The following PCDHA2 variants were observed in gnomAD, a reference collection of about 807,000 sequenced individuals.
PCDHA2 encodes the protein protocadherin alpha 2.
In PCDHA2, 58 loss-of-function variants were observed where a neutral mutation model predicts 66.0. The ratio of observed to expected loss-of-function variants is 0.88; its 90% CI spans 0.71 to 1.09. The LOEUF is 1.09. PCDHA2 is among the 50% of genes least tolerant of loss of function. The pLI is 0.00. For missense variants in PCDHA2, 1,267 were observed against 1,242.3 expected, an observed-to-expected ratio of 1.02 and a Z score of -0.30; for synonymous variants, 634 against 554.0, an observed-to-expected ratio of 1.14 and a Z score of -2.03.
chr5:140,934,490 C>T (rs189772593), intron 1 of PCDHA2, among the ~76,000 whole-genome samples: 35 of 152,244 alleles, frequency 2.3e-4, no homozygotes, highest in Admixed American at 1.4e-3. Context: ...ATATTCACCT[C>T]ATAAACACCC....
chr5:140,954,737 T>C (rs1208625491), intron 1 of PCDHA2, among the ~76,000 whole-genome samples: 38 of 152,210 alleles, frequency 2.5e-4, no homozygotes, highest in Non-Finnish European at 1.5e-5. Flanking sequence ...TTCACTCTGA[T>C]GATAGTTTCT....
At chr5:140,901,654 T>C (rs1274474554) in intron 1 of PCDHA2, among the ~76,000 whole-genome samples, 6 of 152,194 alleles carry the variant, frequency 3.9e-5, no homozygotes. Flanking sequence ...GTTTTGTTCT[T>C]TTTGCTCAAG....
chr5:140,991,879 G>A (rs1464021872), intron 3 of PCDHA2, among the ~76,000 whole-genome samples: 1 of 152,174 alleles, frequency 6.6e-6, no homozygotes, highest in Non-Finnish European at 1.5e-5. Flanking sequence ...TCCTAGGGCT[G>A]CCATAACAAA....
At chr5:140,952,389 ACT>A (rs2094739055) in intron 1 of PCDHA2, among the ~76,000 whole-genome samples, 2 of 151,722 alleles carry the variant, frequency 1.3e-5, no homozygotes, top group African/African-American at 4.8e-5. Flanking sequence ...GGTACCCTAA[ACT>A]CATCATTCTC....
chr5:140,921,151 A>AT (rs11299094), intron 1 of PCDHA2, among the ~76,000 whole-genome samples: 2 of 151,512 alleles, frequency 1.3e-5, no homozygotes. Context: ...CAGCTAATGC[A>AT]TTTTTTTTTT....
At chr5:140,858,788 T>C (rs528259521) in intron 1 of PCDHA2, 5 of 390,400 alleles carry the variant, frequency 1.3e-5, no homozygotes, top group Middle Eastern at 1.4e-3. Flanking sequence ...TCATGTTATT[T>C]CATTTCCAAT....
intron 3 of PCDHA2, among the ~76,000 whole-genome samples, chr5:141,005,547 C>A (rs2098220537): frequency 6.6e-6 from 1 of 150,736 alleles, no homozygotes; most frequent in South Asian, 2.1e-4. Flanking sequence ...ACTAAAAATA[C>A]AAAAATTAGC....
At chr5:140,832,345 G>T (rs2150201218) in intron 1 of PCDHA2, among the ~76,000 whole-genome samples, 1,544 of 152,284 alleles carry the variant, frequency 0.01, 30 homozygotes, top group African/African-American at 0.036. Context: ...GTTGTGGTTT[G>T]TGTTTCCTAA....
chr5:140,928,252 G>A (rs1377533547), intron 1 of PCDHA2: 3 of 1,614,206 alleles, frequency 1.9e-6, no homozygotes, highest in East Asian at 2.2e-5. Flanking sequence ...GGAACTTTTC[G>A]TTGCTGAAAA....
chr5:140,870,347 AGAACGTGTGGGCCTAT>A (rs782552389), intron 1 of PCDHA2: 3 of 1,614,176 alleles, frequency 1.9e-6, no homozygotes, highest in Non-Finnish European at 2.5e-6. Flanking sequence ...CTGGACCGCG[AGAACGTGTGGGCCTAT>A]GAACTGGTGG....
intron 1 of PCDHA2, chr5:140,829,004 C>T (rs2150161840): frequency 4.3e-6 from 7 of 1,613,616 alleles, no homozygotes; most frequent in African/African-American, 4.0e-5. Flanking sequence ...AATAGTGATT[C>T]GGGGTAATTT....
intron 1 of PCDHA2, chr5:140,800,952 A>G (rs3756339): frequency 0.53 from 588,467 of 1,115,880 alleles, 155,995 homozygotes; most frequent in Middle Eastern, 0.58. Context: ...CAAACGACAT[A>G]CAAGGAAAAG....
intron 1 of PCDHA2, chr5:140,870,818 C>A: frequency 6.2e-7 from 1 of 1,613,692 alleles, no homozygotes; most frequent in Non-Finnish European, 8.5e-7. Context: ...GCTGGCAGCG[C>A]GGGAGGCGCA....
chr5:140,884,590 C>T, intron 1 of PCDHA2: 1 of 1,614,182 alleles, frequency 6.2e-7, no homozygotes, highest in Non-Finnish European at 8.5e-7. Flanking sequence ...CCTTCAGTCC[C>T]AGCCTTCCTC....
chr5:140,890,192 T>G (rs2062533503), intron 1 of PCDHA2, among the ~76,000 whole-genome samples: 1 of 151,744 alleles, frequency 6.6e-6, no homozygotes, highest in South Asian at 2.1e-4. Flanking sequence ...CAAAACAGAG[T>G]TTTTTGTTTT....
chr5:140,870,009 G>T, intron 1 of PCDHA2: 2 of 1,613,488 alleles, frequency 1.2e-6, no homozygotes, highest in Non-Finnish European at 1.7e-6. Flanking sequence ...GAGAAGTGAG[G>T]GTCAATGGAA....
In PCDHA2 at chr5:140,795,986, T is replaced by C. The variant is rs533295201; in HGVS notation, c.1022T>C (p.Val341Ala). 1.9e-6 allele frequency: 3 copies of C among 1,614,164 alleles called. No homozygotes were observed. The South Asian group carries it at 3.3e-5, about 18-fold the overall frequency. Residue 341 changes from valine to alanine, a missense_variant, in exon 1 of 4, where the codon GTG (valine) becomes GCG (alanine). By Grantham distance (64) the Val-to-Ala change is moderately conservative (BLOSUM62 0). Coordinates refer to ENST00000526136, the MANE Select transcript of PCDHA2 (RefSeq NM_018905.3). ...CATTGTAAAATTTCATTAAAACTTGTGGACATCAATGATAACACACCAGAA... is the reference window on the plus strand; with the variant it reads ...CATTGTAAAATTTCATTAAAACTTGCGGACATCAATGATAACACACCAGAA... ...SGHCKISLKL[V>A]DINDNTPEVS...
chr5:140,902,822 C>T (rs1239042138), intron 1 of PCDHA2, among the ~76,000 whole-genome samples: 4 of 151,576 alleles, frequency 2.6e-5, no homozygotes, highest in Admixed American at 2.0e-4. Context: ...ATTTGGTTTT[C>T]GATTTCTGAG....
rs375455658 is a variant in PCDHA2, at chr5:140,863,185, G to T, written c.2388+65833G>T. 4.3e-3 allele frequency: 3,329 copies of T among 772,160 alleles called. 69 individuals are homozygous for T. Among genetic ancestry groups the T allele is most frequent in the South Asian group, 0.037 (2,838 of 76,536 alleles). 47.8% of individuals were successfully genotyped at this position (772,160 alleles called of 1,614,324 possible). A position where few individuals can be genotyped will look rare whatever the true frequency, so the allele number is the denominator to read the frequency against. ...GCTGGCGCTGACTGCCACCGTCACC[G>T]TGGTGGCGTCGCTGGCGGAGAGCAG... On this transcript the variant is annotated intron_variant, in intron 1 of 3. Transcript: ENST00000526136.
Sources: allele counts gnomAD v4.1 joint callset (sites outside exome capture counted in the v4.1 genomes callset), GRCh38; gene constraint gnomAD v4.1.1; transcripts MANE v1.5; gene names NCBI Gene and HGNC (gene_info 2026-07-23, HGNC 2026-07-21).